The following TINAG variants were observed in gnomAD, a reference collection of about 807,000 sequenced individuals.
TINAG encodes tubulointerstitial nephritis antigen.
In TINAG, 83 loss-of-function variants were observed where a neutral mutation model predicts 72.7. That is an observed-to-expected ratio of 1.14 (90% CI 0.96 to 1.37). TINAG has a LOEUF of 1.37. TINAG is among the 40% of genes most tolerant of loss of function. The probability of loss-of-function intolerance (pLI) is 0.00; values close to 1 mark genes in which losing one functional copy is unlikely to be tolerated. For missense variants in TINAG, 685 were observed against 576.6 expected (o/e 1.19, Z -1.93); for synonymous variants, 234 against 189.9 (o/e 1.23, Z -1.91).
In TINAG at chr6:54,310,076, CGTGTGTGTGTGT is replaced by C. The variant is rs138971244; in HGVS notation, c.355+1191_355+1202del. On this transcript the variant is annotated intron_variant, in intron 1 of 10. Transcript: ENST00000259782. Reference sequence around the variant, plus strand: ...TTTCTTTTTTCCTTCCTTTTTTTTCCGTGTGTGTGTGTGTGTGTGTGTGTGTGTGTGAGTCTT... The same window carrying C: ...TTTCTTTTTTCCTTCCTTTTTTTTCCGTGTGTGTGTGTGTGTGTGAGTCTT... 3.2e-3 allele frequency among the ~76,000 whole-genome samples: 404 copies of C among 127,726 alleles called. 3 individuals are homozygous for C. The highest frequency in any genetic ancestry group is 0.01 in the African/African-American group (325 of 32,120). 83.8% of individuals were successfully genotyped at this position (127,726 alleles called of 152,430 possible). A position where few individuals can be genotyped will look rare whatever the true frequency, so the allele number is the denominator to read the frequency against.
Position 54,387,530 on chromosome 6 carries a change from C to T in TINAG, c.1297-2261C>T, listed in dbSNP as rs1393286568. 2.0e-5 allele frequency among the ~76,000 whole-genome samples: 3 copies of T among 151,982 alleles called. No individual in the cohort carries two copies. In the East Asian group the frequency reaches 5.8e-4, roughly 29 times the overall value. ...TTTGTAAAGATCAATTATAGGAAAA[C>T]CTGATGGGGAGTGGAGGGTGGATGG... is the stretch of plus-strand genomic sequence containing the variant. On this transcript the variant is annotated intron_variant, in intron 10 of 10. Transcript: ENST00000259782.
chr6:54,379,176 A>C (rs1243855178), intron 9 of TINAG, among the ~76,000 whole-genome samples: 1 of 152,180 alleles, frequency 6.6e-6, no homozygotes, highest in Non-Finnish European at 1.5e-5. Flanking sequence ...GGGCAGAATT[A>C]ATTGTGTTCT....
At chr6:54,354,758 G>A in intron 9 of TINAG, 122 bp downstream of exon 9, 1 of 1,112,928 alleles carries the variant, frequency 9.0e-7, no homozygotes, top group South Asian at 1.6e-5. Context: ...AATGAAAAAT[G>A]ATCTAAACCT....
Position 54,349,766 on chromosome 6 carries a change from A to G in TINAG, c.950A>G (p.Asn317Ser). The G allele has an allele frequency of 1.1e-5, 17 of 1,605,364 alleles. No homozygotes were observed. Among genetic ancestry groups the G allele is most frequent in the Non-Finnish European group, 1.4e-5 (17 of 1,174,638 alleles). ...YPLFKDQNATNNGCAMASRSD... is the reference protein window; with the variant it reads ...YPLFKDQNATSNGCAMASRSD... ...CTTTTCAAAGACCAAAATGCTACCA[A>G]CAATGGATGTGCCATGGCAAGCAGG... The change falls in exon 7 of 11, where the codon AAC becomes AGC. Residue 317 changes from asparagine to serine, a missense_variant. Physicochemically the swap from Asn to Ser is conservative, Grantham distance 46. Transcript: ENST00000259782.
chr6:54,326,403 T>C (rs1257290350), intron 3 of TINAG, among the ~76,000 whole-genome samples: 1 of 152,038 alleles, frequency 6.6e-6, no homozygotes, highest in Non-Finnish European at 1.5e-5. Context: ...TGTCAATTTC[T>C]TTTCAAATCT....
At chr6:54,320,242 A>T (rs1006291847) in intron 1 of TINAG, among the ~76,000 whole-genome samples, 1 of 152,140 alleles carries the variant, frequency 6.6e-6, no homozygotes, top group Non-Finnish European at 1.5e-5. Context: ...ACATGCCATA[A>T]ATCAATTCAA....
intron 9 of TINAG, among the ~76,000 whole-genome samples, chr6:54,363,338 T>C (rs1037683931): frequency 1.3e-5 from 2 of 151,504 alleles, no homozygotes; most frequent in African/African-American, 4.8e-5. Context: ...AAGAGAGTGA[T>C]ATAGAGGCAA....
At chr6:54,331,273 T>C (rs993170083) in intron 4 of TINAG, among the ~76,000 whole-genome samples, 3 of 152,186 alleles carry the variant, frequency 2.0e-5, no homozygotes, top group Non-Finnish European at 4.4e-5. Flanking sequence ...CGAAGTCGGC[T>C]TCATCCCTGG....
chr6:54,328,927 A>C (rs1040011919), intron 4 of TINAG, among the ~76,000 whole-genome samples: 4 of 152,040 alleles, frequency 2.6e-5, no homozygotes, highest in African/African-American at 9.7e-5. Flanking sequence ...TTAAAGAAAA[A>C]TGAATGAAAA....
chr6:54,380,153 C>T (rs1763902993), intron 9 of TINAG, among the ~76,000 whole-genome samples: 1 of 152,052 alleles, frequency 6.6e-6, no homozygotes, highest in Non-Finnish European at 1.5e-5. Flanking sequence ...TATATATGTG[C>T]CACATTTTCT....
intron 1 of TINAG, among the ~76,000 whole-genome samples, chr6:54,314,541 CA>C (rs566630916): frequency 6.7e-5 from 10 of 149,358 alleles, no homozygotes; most frequent in Admixed American, 4.0e-4. Context: ...GGTTCTGTTA[CA>C]AAAAAAAAGA....
rs1785151672 is a variant in TINAG, at chr6:54,347,457, AC to A, written c.841del (p.Arg281ValfsTer16). On this transcript the variant is annotated frameshift_variant, in exon 6 of 11. Coordinates refer to ENST00000259782, the MANE Select transcript of TINAG (RefSeq NM_014464.4). LOFTEE classifies it high-confidence loss of function. The part of the protein sequence containing the change: ...PQNLISCCAK[N>X]RHGCNSGSID... ...AATTTGATCTCTTGCTGTGCCAAGA[AC>A]CGTCATGGATGCAATAGTGGAAGCA... 6.2e-7 allele frequency: 1 copy of A among 1,613,356 alleles called. No homozygotes were observed.
intron 6 of TINAG, among the ~76,000 whole-genome samples, chr6:54,348,583 G>C (rs1011724012): frequency 6.6e-6 from 1 of 151,998 alleles, no homozygotes. Context: ...TTCTCACAGT[G>C]TCCTTACATG....
chr6:54,377,282 C>A lies in TINAG; in HGVS notation c.1251-3244C>A, dbSNP rs116912134. 7.9e-5 allele frequency among the ~76,000 whole-genome samples: 12 copies of A among 151,982 alleles called. No homozygotes were observed. In the East Asian group the frequency reaches 2.3e-3, roughly 30 times the overall value. On this transcript the variant is annotated intron_variant, in intron 9 of 10. Transcript: ENST00000259782. ...ATCCCAGCACTTTGGGAGGCCGAGG[C>A]GGGAGTATCACTTGAGGTCAGGAGT...
In TINAG at chr6:54,349,858, A is replaced by T. The variant is rs149134126; in HGVS notation, c.1042A>T (p.Ile348Phe). The T allele has an allele frequency of 5.3e-5, 86 of 1,608,942 alleles. No homozygotes were observed. The Middle Eastern group carries it at 6.6e-4, about 12-fold the overall frequency. The change falls in exon 7 of 11, where the codon ATC becomes TTC. Residue 348 changes from isoleucine to phenylalanine, a missense_variant. Transcript: ENST00000259782. ...CPNNVEKSNRIYQCSPPYRVS... is the reference protein window; with the variant it reads ...CPNNVEKSNRFYQCSPPYRVS... ...CAACAACGTAGAAAAATCTAACAGG[A>T]TCTATCAATGTTCTCCTCCATACAG...
At chr6:54,318,250 T>C (rs1784416345) in intron 1 of TINAG, among the ~76,000 whole-genome samples, 1 of 152,196 alleles carries the variant, frequency 6.6e-6, no homozygotes, top group Non-Finnish European at 1.5e-5. Flanking sequence ...TATAAACTGC[T>C]GTCTACTTGA....
At chr6:54,316,708 T>TTGACAGC (rs1784381141) in intron 1 of TINAG, among the ~76,000 whole-genome samples, 1 of 152,202 alleles carries the variant, frequency 6.6e-6, no homozygotes, top group African/African-American at 2.4e-5. Context: ...CATAGATACT[T>TTGACAGC]ATAATACACT....
intron 3 of TINAG, among the ~76,000 whole-genome samples, chr6:54,324,007 T>G (rs1031783215): frequency 5.3e-5 from 8 of 152,114 alleles, no homozygotes; most frequent in African/African-American, 1.9e-4. Context: ...ACCATCTAGT[T>G]GAGGAGCCAA....
intron 10 of TINAG, among the ~76,000 whole-genome samples, chr6:54,382,427 G>GTCTA (rs1167635124): frequency 1.3e-5 from 2 of 151,976 alleles, no homozygotes; most frequent in Non-Finnish European, 2.9e-5. Flanking sequence ...AATAATTTTA[G>GTCTA]TCTATGCATT....
Sources: allele counts gnomAD v4.1 joint callset (sites outside exome capture counted in the v4.1 genomes callset), GRCh38; gene constraint gnomAD v4.1.1; transcripts MANE v1.5; gene names NCBI Gene and HGNC (gene_info 2026-07-23, HGNC 2026-07-21).